HECW2: variants seen among roughly 807,000 people sequenced by gnomAD.
HECW2 encodes the protein HECT, C2 and WW domain containing E3 ubiquitin protein ligase 2.
A neutral mutation model predicts 175.2 loss-of-function variants in HECW2; 61 were observed. The observed-to-expected ratio is 0.35, with a 90% CI of 0.28 to 0.43. The LOEUF (loss-of-function observed/expected upper bound fraction) is 0.43. HECW2 is among the 20% of genes least tolerant of loss of function. The pLI is 1.00. For missense variants in HECW2, 1,524 were observed against 2,000.5 expected (o/e 0.76, Z 4.54); for synonymous variants, 671 against 731.0 (o/e 0.92, Z 1.32).
In HECW2 at chr2:196,320,399, C is replaced by T. The variant is rs747182507; in HGVS notation, c.925G>A (p.Ala309Thr). 4 of 1,613,194 alleles carry T rather than the reference C, an allele frequency of 2.5e-6. No individual in the cohort carries two copies. Among genetic ancestry groups the T allele is most frequent in the Middle Eastern group, 1.7e-4 (1 of 6,026 alleles). The change falls in exon 8 of 29, where the codon GCT becomes ACT. Residue 309 changes from alanine (A) to threonine (T), a missense_variant. Physicochemically the swap from Ala to Thr is moderately conservative, Grantham distance 58. This residue lies in a region of HECW2 where 95 missense variants were observed against 136.8 expected (regional missense o/e 0.69). Transcript: ENST00000644978. ...TGGAGGTACCCACTCACGTGGTCAGCTGGGAGCCTTCTGCCAAGGTTGTAG... is the reference window on the plus strand; with the variant it reads ...TGGAGGTACCCACTCACGTGGTCAGTTGGGAGCCTTCTGCCAAGGTTGTAG... ...LSYNLGRRLP[A>T]DHVSGYLQFK... is the part of the protein sequence containing the mutation.
intron 1 of HECW2, among the ~76,000 whole-genome samples, chr2:196,581,517 C>G (rs1481819878): frequency 1.3e-5 from 2 of 151,744 alleles, no homozygotes; most frequent in East Asian, 1.9e-4. Flanking sequence ...CTGGACGATA[C>G]AGTGAGACTC....
At chr2:196,411,600 T>C (rs1695112326) in intron 2 of HECW2, among the ~76,000 whole-genome samples, 1 of 152,250 alleles carries the variant, frequency 6.6e-6, no homozygotes, top group African/African-American at 2.4e-5. Flanking sequence ...GAGATAGCAG[T>C]ACTGGGGCAG....
At chr2:196,251,430 C>A (rs1000859258) in intron 19 of HECW2, among the ~76,000 whole-genome samples, 4 of 152,130 alleles carry the variant, frequency 2.6e-5, no homozygotes, top group African/African-American at 9.7e-5. Context: ...GTACACTGAA[C>A]TCCTTGCTTT....
intron 2 of HECW2, among the ~76,000 whole-genome samples, chr2:196,356,980 C>G (rs1693394381): frequency 6.6e-6 from 1 of 152,182 alleles, no homozygotes; most frequent in Non-Finnish European, 1.5e-5. Context: ...AGTGACCATG[C>G]TCCTCAACAC....
chr2:196,476,142 C>CA (rs60181654), intron 1 of HECW2, among the ~76,000 whole-genome samples: 261 of 144,316 alleles, frequency 1.8e-3, no homozygotes, highest in South Asian at 2.6e-3. Flanking sequence ...GTTTCCTCAT[C>CA]AAAAAAAAAA....
intron 28 of HECW2, among the ~76,000 whole-genome samples, chr2:196,206,238 G>A (rs1341023551): frequency 6.6e-6 from 1 of 152,190 alleles, no homozygotes; most frequent in East Asian, 1.9e-4. Flanking sequence ...AATCTATTTA[G>A]CCAGAACCAC....
At chr2:196,471,402 T>C (rs1004279310) in intron 1 of HECW2, among the ~76,000 whole-genome samples, 2 of 152,180 alleles carry the variant, frequency 1.3e-5, no homozygotes, top group Non-Finnish European at 2.9e-5. Flanking sequence ...TGGAAAGCAG[T>C]GTGGTGATTC....
intron 1 of HECW2, among the ~76,000 whole-genome samples, chr2:196,591,914 T>C (rs1691210028): frequency 6.6e-6 from 1 of 152,316 alleles, no homozygotes; most frequent in East Asian, 1.9e-4. Context: ...GTGTGTGTCA[T>C]TTTAAAGATA....
At chr2:196,531,645 G>A (rs916611647) in intron 1 of HECW2, among the ~76,000 whole-genome samples, 2 of 148,134 alleles carry the variant, frequency 1.4e-5, no homozygotes, top group Non-Finnish European at 3.0e-5. Flanking sequence ...CCAGGCAACA[G>A]TGTGAGACTC....
chr2:196,578,937 G>T (rs1690661513), intron 1 of HECW2, among the ~76,000 whole-genome samples: 1 of 150,794 alleles, frequency 6.6e-6, no homozygotes, highest in Non-Finnish European at 1.5e-5. Context: ...TATCTACACA[G>T]AGAAGATAAA....
chr2:196,201,410 C>G (rs1274897000), intron 28 of HECW2, 22 bp from the exon 29 acceptor site: 9 of 1,543,388 alleles, frequency 5.8e-6, no homozygotes, highest in Admixed American at 1.7e-5. Context: ...AGAAACAGCA[C>G]ATAGTTTAGA....
At chr2:196,592,918 C>T (rs1423959896) in intron 1 of HECW2, 2 of 151,138 alleles carry the variant, frequency 1.3e-5, no homozygotes, top group Non-Finnish European at 3.0e-5. Context: ...CCGGGGGCGC[C>T]GCCGCGCGTT....
intron 28 of HECW2, among the ~76,000 whole-genome samples, chr2:196,213,148 G>A (rs917305332): frequency 6.6e-6 from 1 of 152,172 alleles, no homozygotes; most frequent in East Asian, 1.9e-4. Flanking sequence ...TGTTGTCAAT[G>A]AAGAAGTTGC....
intron 10 of HECW2, among the ~76,000 whole-genome samples, chr2:196,308,566 A>T (rs531641281): frequency 1.4e-4 from 22 of 152,346 alleles, no homozygotes; most frequent in Admixed American, 1.1e-3. Context: ...TCAGAAAAAA[A>T]TAACTAAAAT....
chr2:196,362,204 T>C (rs1368984564), intron 2 of HECW2: 10 of 985,432 alleles, frequency 1.0e-5, no homozygotes, highest in Middle Eastern at 1.0e-3. Flanking sequence ...TCCCCTCGGC[T>C]GAGGCAGTCG....
At chr2:196,408,485 C>A (rs1695023411) in intron 2 of HECW2, among the ~76,000 whole-genome samples, 1 of 152,124 alleles carries the variant, frequency 6.6e-6, no homozygotes, top group Non-Finnish European at 1.5e-5. Flanking sequence ...TATCTTATCC[C>A]CCTCAGTCTC....
intron 1 of HECW2, among the ~76,000 whole-genome samples, chr2:196,557,950 G>A (rs1040377525): frequency 2.7e-5 from 4 of 150,652 alleles, no homozygotes; most frequent in Non-Finnish European, 5.9e-5. Context: ...TACTTAACAC[G>A]ATTATAAAAT....
chr2:196,583,491 T>C (rs952689638), intron 1 of HECW2, among the ~76,000 whole-genome samples: 5 of 152,358 alleles, frequency 3.3e-5, no homozygotes, highest in East Asian at 3.9e-4. Context: ...GTGTGGTGCC[T>C]GAGATTCTGC....
chr2:196,222,597 C>T (rs1310102321), intron 23 of HECW2, among the ~76,000 whole-genome samples: 1 of 152,120 alleles, frequency 6.6e-6, no homozygotes, highest in East Asian at 1.9e-4. Context: ...CCTTTATAGA[C>T]ACAGAACTGG....
Sources: allele counts gnomAD v4.1 joint callset (sites outside exome capture counted in the v4.1 genomes callset), GRCh38; gene constraint gnomAD v4.1.1; regional missense constraint gnomAD v4.1.1; transcripts MANE v1.5; gene names NCBI Gene and HGNC (gene_info 2026-07-23, HGNC 2026-07-21).